Variants in FMN2 observed in about 807,000 individuals in gnomAD.
The protein encoded by FMN2 is formin 2, also known as formin-2.
FMN2 carries 51 observed loss-of-function variants against 142.3 expected under a neutral mutation model. The ratio of observed to expected loss-of-function variants is 0.36; its 90% CI spans 0.29 to 0.45. The LOEUF is 0.45. Among genes scored for constraint, FMN2 ranks in the 20% least tolerant of loss-of-function variants. FMN2 has a pLI of 1.00. For synonymous variants in FMN2, 882 were observed against 869.8 expected (o/e 1.01, Z -0.25); for missense variants, 1,936 against 2,122.8 (o/e 0.91, Z 1.73).
At chr1:240,369,955 C>G (rs965930842) in intron 14 of FMN2, among the ~76,000 whole-genome samples, 2 of 152,046 alleles carry the variant, frequency 1.3e-5, no homozygotes, top group East Asian at 3.9e-4. Flanking sequence ...TCCCCTTCCC[C>G]CAAAGCTACT....
intron 11 of FMN2, among the ~76,000 whole-genome samples, chr1:240,331,739 G>GTCAT (rs1410194427): frequency 6.6e-6 from 1 of 152,128 alleles, no homozygotes; most frequent in East Asian, 1.9e-4. Flanking sequence ...TAAGTGAAAA[G>GTCAT]TCATTCAATA....
intron 13 of FMN2, among the ~76,000 whole-genome samples, chr1:240,338,414 TA>T (rs993455860): frequency 6.6e-5 from 10 of 152,212 alleles, no homozygotes; most frequent in Non-Finnish European, 1.0e-4. Context: ...TAAGCTTTTT[TA>T]AAAATAACAT....
intron 14 of FMN2, among the ~76,000 whole-genome samples, chr1:240,372,007 G>C (rs1354590927): frequency 6.6e-6 from 1 of 152,072 alleles, no homozygotes; most frequent in East Asian, 1.9e-4. Flanking sequence ...AGGCCGAGGC[G>C]GGTGGATCAC....
intron 2 of FMN2, among the ~76,000 whole-genome samples, chr1:240,135,638 A>G (rs1218893234): frequency 1.3e-5 from 2 of 151,148 alleles, no homozygotes; most frequent in East Asian, 1.9e-4. Context: ...AAAAATTGTT[A>G]ATTCTCTGGA....
At chr1:240,160,298 A>G (rs1024848608) in intron 2 of FMN2, among the ~76,000 whole-genome samples, 6 of 151,508 alleles carry the variant, frequency 4.0e-5, no homozygotes, top group African/African-American at 1.5e-4. Flanking sequence ...TTTATTAATG[A>G]AATATTTGCA....
At chr1:240,299,675 C>T (rs966196729) in intron 8 of FMN2, among the ~76,000 whole-genome samples, 2 of 152,022 alleles carry the variant, frequency 1.3e-5, no homozygotes, top group African/African-American at 4.8e-5. Flanking sequence ...GCCTCAGGAG[C>T]CCCTGGAATT....
chr1:240,238,743 G>C (rs528677099), intron 6 of FMN2, among the ~76,000 whole-genome samples: 132 of 152,254 alleles, frequency 8.7e-4, no homozygotes, highest in African/African-American at 3.0e-3. Context: ...GTAGTCATAG[G>C]AGTAGCATTA....
At chr1:240,472,943 CAA>C (rs372290294) in intron 17 of FMN2, among the ~76,000 whole-genome samples, 18 of 90,624 alleles carry the variant, frequency 2.0e-4, no homozygotes, top group Admixed American at 3.7e-4. Context: ...GACTTTGTCT[CAA>C]AAAAAAAAAA....
chr1:240,389,264 T>G (rs1673524263), intron 14 of FMN2, among the ~76,000 whole-genome samples: 1 of 152,334 alleles, frequency 6.6e-6, no homozygotes, highest in African/African-American at 2.4e-5. Context: ...TTTATGCCAT[T>G]AGAGATTATC....
rs766122332 is a variant in FMN2, at chr1:240,178,060, C to T, written c.1922C>T (p.Ala641Val). 3.1e-6 allele frequency: 5 copies of T among 1,596,080 alleles called. No individual in the cohort carries two copies. The South Asian group carries it at 4.6e-5, about 15-fold the overall frequency. The change falls in exon 3 of 18, where the codon GCT (alanine) becomes GTT (valine). Residue 641 changes from alanine (A) to valine (V), a missense_variant. Coordinates refer to ENST00000319653, the MANE Select transcript of FMN2 (RefSeq NM_020066.5). ...PPDEEHRLED[A>V]ETESQSAVSE... ...GATGAGGAACACAGGCTCGAGGATG[C>T]TGAAACAGGTAACCCTTTCCTTTGT...
chr1:240,124,513 G>T lies in FMN2; in HGVS notation c.1782+1168G>T, dbSNP rs537941178. 2.2e-4 allele frequency among the ~76,000 whole-genome samples: 34 copies of T among 152,288 alleles called. No individual in the cohort carries two copies. In the South Asian group the frequency reaches 6.8e-3, roughly 31 times the overall value. On this transcript the variant is annotated intron_variant, in intron 2 of 17. Transcript: ENST00000319653. ...TCATTGTCAAGGCAGAGTATTGCCAGTCGTTCTCAGGTATGTGGTATGTGT... is the reference window on the plus strand; with the variant it reads ...TCATTGTCAAGGCAGAGTATTGCCATTCGTTCTCAGGTATGTGGTATGTGT...
At chr1:240,300,122 A>T (rs1239440945) in intron 8 of FMN2, among the ~76,000 whole-genome samples, 4 of 152,194 alleles carry the variant, frequency 2.6e-5, no homozygotes, top group Non-Finnish European at 4.4e-5. Context: ...ACACAAGGGT[A>T]TACCAGAAGT....
At chr1:240,170,766 C>T in intron 2 of FMN2, 2 of 1,296,408 alleles carry the variant, frequency 1.5e-6, no homozygotes, top group African/African-American at 1.5e-5. Flanking sequence ...CCGTCTTTGG[C>T]CTGGGAGGAG....
intron 6 of FMN2, among the ~76,000 whole-genome samples, chr1:240,216,983 G>A (rs1404793110): frequency 6.6e-6 from 1 of 152,008 alleles, no homozygotes; most frequent in Non-Finnish European, 1.5e-5. Context: ...GTGTAATAAC[G>A]ACAGGAAAAG....
intron 6 of FMN2, among the ~76,000 whole-genome samples, chr1:240,218,095 C>T (rs930601507): frequency 2.0e-5 from 3 of 151,686 alleles, no homozygotes; most frequent in Admixed American, 2.0e-4. Flanking sequence ...CCATCCTGGC[C>T]AACATGGTGA....
intron 15 of FMN2, 60 bp downstream of exon 15, chr1:240,392,622 C>A: frequency 7.7e-7 from 1 of 1,305,282 alleles, no homozygotes; most frequent in Non-Finnish European, 1.1e-6. Context: ...TGTATTTCAT[C>A]TTAAGGAACC....
chr1:240,444,203 G>T (rs192403687), intron 16 of FMN2, among the ~76,000 whole-genome samples: 63 of 152,268 alleles, frequency 4.1e-4, no homozygotes, highest in African/African-American at 1.5e-3. Flanking sequence ...ACACTGAGAC[G>T]TTCAAGTATG....
At chr1:240,438,924 C>T (rs9724766) in intron 16 of FMN2, among the ~76,000 whole-genome samples, 114,363 of 152,044 alleles carry the variant, frequency 0.75, 43,447 homozygotes, top group African/African-American at 0.86. Context: ...GCCAAACTAA[C>T]TAGTATACTT....
intron 8 of FMN2, among the ~76,000 whole-genome samples, chr1:240,308,806 T>C (rs144670896): frequency 3.3e-5 from 5 of 152,330 alleles, no homozygotes; most frequent in African/African-American, 1.2e-4. Context: ...GCCAGCGGGC[T>C]GGGTATGGAC....
Sources: allele counts gnomAD v4.1 joint callset (sites outside exome capture counted in the v4.1 genomes callset), GRCh38; gene constraint gnomAD v4.1.1; transcripts MANE v1.5; gene names NCBI Gene and HGNC (gene_info 2026-07-23, HGNC 2026-07-21).